SLCO1A2: variants seen among roughly 807,000 people sequenced by gnomAD.
SLCO1A2 encodes the protein OATP-1.
SLCO1A2 carries 67 observed loss-of-function variants against 69.0 expected under a neutral mutation model. That is an observed-to-expected ratio of 0.97 (90% confidence interval 0.80 to 1.19). The LOEUF (loss-of-function observed/expected upper bound fraction) is 1.19. Ranked by LOEUF, SLCO1A2 falls within the 50% of genes most tolerant of loss-of-function variation. SLCO1A2 has a pLI of 0.00. For missense variants in SLCO1A2, 787 were observed against 793.7 expected, an observed-to-expected ratio of 0.99 and a Z score of 0.10; for synonymous variants, 260 against 265.9, an observed-to-expected ratio of 0.98 and a Z score of 0.22.
intron 1 of SLCO1A2, among the ~76,000 whole-genome samples, chr12:21,389,094 C>T (rs1941030530): frequency 1.3e-5 from 2 of 152,138 alleles, no homozygotes. Flanking sequence ...AGCTGAATAA[C>T]CTAAAATGGG....
At chr12:21,325,520 A>C (rs896410749) in intron 2 of SLCO1A2, among the ~76,000 whole-genome samples, 1 of 152,126 alleles carries the variant, frequency 6.6e-6, no homozygotes, top group Non-Finnish European at 1.5e-5. Flanking sequence ...CTTCATCTTA[A>C]TTTGCCTCAG....
chr12:21,297,600 G>A (rs745318825), intron 8 of SLCO1A2, 32 bp from the exon 9 acceptor site: 17 of 1,461,162 alleles, frequency 1.2e-5, no homozygotes, highest in East Asian at 5.0e-5. Context: ...TGTGTCAAAC[G>A]AACTTGGCTT....
chr12:21,341,424 T>C (rs567547711), intron 2 of SLCO1A2, among the ~76,000 whole-genome samples: 12 of 145,282 alleles, frequency 8.3e-5, no homozygotes, highest in Non-Finnish European at 1.7e-4. Flanking sequence ...TTAAAAATCA[T>C]TGGAATTGAT....
intron 4 of SLCO1A2, among the ~76,000 whole-genome samples, chr12:21,312,176 C>A (rs1178275233): frequency 3.3e-5 from 5 of 152,208 alleles, no homozygotes; most frequent in Non-Finnish European, 5.9e-5. Context: ...TTAGCTAGAT[C>A]TTCTGGATAA....
At chr12:21,337,230 C>T (rs1033167299), upstream of SLCO1A2, among the ~76,000 whole-genome samples, 2 of 152,040 alleles carry the variant, frequency 1.3e-5, no homozygotes, top group African/African-American at 4.8e-5. Flanking sequence ...AACACTGGGG[C>T]TTTTGACACC....
At chr12:21,298,312 T>C (rs4522218) in intron 8 of SLCO1A2, among the ~76,000 whole-genome samples, 6 of 151,992 alleles carry the variant, frequency 3.9e-5, no homozygotes, top group African/African-American at 9.7e-5. Context: ...CTAGTAATGT[T>C]TGGCCTGCTT....
At chr12:21,340,867 C>A (rs996105600) in intron 2 of SLCO1A2, among the ~76,000 whole-genome samples, 3 of 151,826 alleles carry the variant, frequency 2.0e-5, no homozygotes, top group African/African-American at 7.3e-5. Context: ...AGGGCTAGCA[C>A]CAAGTTGGAA....
At chr12:21,316,316 A>G (rs1950855205) in intron 3 of SLCO1A2, among the ~76,000 whole-genome samples, 1 of 152,182 alleles carries the variant, frequency 6.6e-6, no homozygotes, top group Admixed American at 6.5e-5. Flanking sequence ...ACTTTAGCCT[A>G]CACATATTCT....
chr12:21,330,770 A>G (rs1591852704), intron 2 of SLCO1A2, among the ~76,000 whole-genome samples: 1 of 152,184 alleles, frequency 6.6e-6, no homozygotes, highest in African/African-American at 2.4e-5. Flanking sequence ...TTTTAATATC[A>G]AAGTTCAATT....
intron 12 of SLCO1A2, among the ~76,000 whole-genome samples, chr12:21,281,264 A>T (rs1565467237): frequency 6.6e-6 from 1 of 152,138 alleles, no homozygotes; most frequent in African/African-American, 2.4e-5. Flanking sequence ...ATCTTGGCCA[A>T]CATGGTGAAA....
At chr12:21,389,825 TG>T (rs1941064772) in intron 1 of SLCO1A2, among the ~76,000 whole-genome samples, 2 of 150,862 alleles carry the variant, frequency 1.3e-5, no homozygotes, top group South Asian at 4.2e-4. Context: ...AGAAAGAAAA[TG>T]AGTAGGAAAA....
intron 1 of SLCO1A2, chr12:21,376,191 T>C (rs770922785): frequency 1.2e-4 from 18 of 154,532 alleles, no homozygotes; most frequent in Non-Finnish European, 8.7e-5. Flanking sequence ...ATTATCAAAA[T>C]ACCACTCAGC....
At chr12:21,320,493 G>A (rs1222808151) in intron 2 of SLCO1A2, among the ~76,000 whole-genome samples, 2 of 150,826 alleles carry the variant, frequency 1.3e-5, no homozygotes, top group Admixed American at 1.3e-4. Flanking sequence ...TTTTTGTTTT[G>A]TTTTGTGTTG....
At chr12:21,405,764 T>C (rs141835711) in intron 1 of SLCO1A2, among the ~76,000 whole-genome samples, 148 of 152,288 alleles carry the variant, frequency 9.7e-4, no homozygotes, top group African/African-American at 3.4e-3. Context: ...TAACTCCAGA[T>C]GGACTAAAGA....
chr12:21,306,118 G>C (rs943388532), intron 5 of SLCO1A2, among the ~76,000 whole-genome samples: 10 of 152,152 alleles, frequency 6.6e-5, no homozygotes, highest in Admixed American at 6.5e-4. Context: ...TCAATAGAAA[G>C]GGAATAGAGT....
intron 12 of SLCO1A2, among the ~76,000 whole-genome samples, chr12:21,289,408 G>A (rs1170087492): frequency 6.6e-6 from 1 of 152,114 alleles, no homozygotes; most frequent in Non-Finnish European, 1.5e-5. Context: ...CCAGACTGAT[G>A]TTGGGACTGG....
intron 7 of SLCO1A2, 48 bp from the exon 8 acceptor site, chr12:21,300,617 G>T: frequency 7.5e-7 from 1 of 1,340,936 alleles, no homozygotes; most frequent in Non-Finnish European, 1.0e-6. Context: ...AGTATTTTCT[G>T]TATGAACTAT....
chr12:21,365,090 A>T, intron 2 of SLCO1A2, among the ~76,000 whole-genome samples: 1 of 152,168 alleles, frequency 6.6e-6, no homozygotes, highest in Non-Finnish European at 1.5e-5. Context: ...CATTGCCAAT[A>T]CGATCCTAAG....
intron 6 of SLCO1A2, among the ~76,000 whole-genome samples, chr12:21,303,051 A>C (rs146628775): frequency 3.8e-4 from 58 of 152,200 alleles, no homozygotes; most frequent in Middle Eastern, 3.4e-3. Flanking sequence ...GCCATATGGA[A>C]CTGTTTTCTT....
Sources: gnomAD v4.1 joint callset for allele counts (sites outside exome capture counted in the v4.1 genomes callset) on GRCh38, gnomAD v4.1.1 for gene constraint, MANE v1.5 for transcripts, NCBI Gene and HGNC (gene_info 2026-07-23, HGNC 2026-07-21) for gene names.